Variants in ATRNL1 observed in about 807,000 individuals in gnomAD.
The protein encoded by ATRNL1 is attractin-like protein 1.
Under a neutral mutation model 182.7 loss-of-function variants are expected in ATRNL1, and 95 were observed. The observed-to-expected ratio is 0.52, with a 90% confidence interval of 0.44 to 0.62. ATRNL1 has a LOEUF of 0.62. Among genes scored for constraint, ATRNL1 ranks in the 20% least tolerant of loss-of-function variants. The pLI is 0.00. For synonymous variants in ATRNL1, 576 were observed against 568.3 expected (o/e 1.01, Z -0.19); for missense variants, 1,471 against 1,679.5 (o/e 0.88, Z 2.17).
intron 19 of ATRNL1, among the ~76,000 whole-genome samples, chr10:115,377,190 A>G (rs1554949771): frequency 6.6e-6 from 1 of 152,098 alleles, no homozygotes; most frequent in African/African-American, 2.4e-5. Context: ...TAGCTCCCAT[A>G]ATTTCTCATG....
At chr10:115,428,451 T>G (rs1846002886) in intron 21 of ATRNL1, among the ~76,000 whole-genome samples, 1 of 151,994 alleles carries the variant, frequency 6.6e-6, no homozygotes, top group South Asian at 2.1e-4. Context: ...AACATGAAAG[T>G]ATTATTGTCT....
chr10:115,139,425 TC>T (rs1845664576), intron 5 of ATRNL1, among the ~76,000 whole-genome samples: 1 of 152,190 alleles, frequency 6.6e-6, no homozygotes, highest in Non-Finnish European at 1.5e-5. Flanking sequence ...GACTTACAGT[TC>T]CACATGGTTG....
intron 9 of ATRNL1, among the ~76,000 whole-genome samples, chr10:115,223,929 A>ATATATATTTTTTT (rs1420143943): frequency 2.2e-3 from 100 of 44,718 alleles, no homozygotes; most frequent in Non-Finnish European, 3.1e-3. Flanking sequence ...ATATATATAT[A>ATATATATTTTTTT]TTTTTTTTTT....
intron 18 of ATRNL1, among the ~76,000 whole-genome samples, chr10:115,329,278 T>G (rs1441219140): frequency 5.9e-5 from 9 of 152,014 alleles, no homozygotes; most frequent in Non-Finnish European, 1.5e-5. Context: ...TTGATATATT[T>G]AATTCATTAA....
intron 19 of ATRNL1, among the ~76,000 whole-genome samples, chr10:115,364,989 G>A (rs1459643920): frequency 2.7e-5 from 4 of 150,444 alleles, no homozygotes; most frequent in African/African-American, 9.9e-5. Context: ...CTCTTTTTTG[G>A]TTGTGTCTCT....
chr10:115,819,660 T>A (rs2134278646), intron 27 of ATRNL1, among the ~76,000 whole-genome samples: 1 of 152,212 alleles, frequency 6.6e-6, no homozygotes, highest in East Asian at 1.9e-4. Flanking sequence ...TCTATCTCTG[T>A]CCCTCTCAGT....
intron 8 of ATRNL1, among the ~76,000 whole-genome samples, chr10:115,197,724 G>A (rs1564813278): frequency 1.3e-5 from 2 of 152,052 alleles, no homozygotes; most frequent in Non-Finnish European, 2.9e-5. Flanking sequence ...CTCTGTATAG[G>A]AAAAGTTGGC....
chr10:115,162,705 GACCGGGA>G (rs1435529910), intron 6 of ATRNL1, among the ~76,000 whole-genome samples: 1 of 149,580 alleles, frequency 6.7e-6, no homozygotes, highest in Non-Finnish European at 1.5e-5. Context: ...TAGAGAAAAG[GACCGGGA>G]ACTGAGCCTG....
chr10:115,855,324 G>A lies in ATRNL1; in HGVS notation c.4018+7333G>A, dbSNP rs149505018. On this transcript the variant is annotated intron_variant, in intron 28 of 28. Coordinates refer to ENST00000355044, the MANE Select transcript of ATRNL1 (RefSeq NM_207303.4). ...CAAAGCCTGGTTCAAATGCTATTTC[G>A]TCTTCCTTGAGACCTTTTCAGTCCC... is the stretch of plus-strand genomic sequence containing the variant. Among the ~76,000 whole-genome samples, 32 of 152,172 alleles carry A rather than the reference G, an allele frequency of 2.1e-4. No homozygotes were observed. The East Asian group carries it at 3.9e-3, about 18-fold the overall frequency.
At chr10:115,385,845 C>T (rs937096871) in intron 19 of ATRNL1, among the ~76,000 whole-genome samples, 2 of 152,120 alleles carry the variant, frequency 1.3e-5, no homozygotes, top group East Asian at 3.9e-4. Flanking sequence ...TACTTTAGTA[C>T]ATTTGTTGAA....
intron 27 of ATRNL1, among the ~76,000 whole-genome samples, chr10:115,769,556 A>G (rs1453658224): frequency 6.6e-6 from 1 of 152,152 alleles, no homozygotes; most frequent in Admixed American, 6.5e-5. Flanking sequence ...TGCCTGGCAC[A>G]TAGCGCTCAG....
chr10:115,094,099 C>T, intron 1 of ATRNL1, 56 bp downstream of exon 1: 1 of 1,309,516 alleles, frequency 7.6e-7, no homozygotes, highest in East Asian at 3.1e-5. Flanking sequence ...CCGTCGCGGC[C>T]TTCCCCGCCC....
chr10:115,702,362 A>G (rs1565301055), intron 26 of ATRNL1, among the ~76,000 whole-genome samples: 1 of 152,026 alleles, frequency 6.6e-6, no homozygotes, highest in Non-Finnish European at 1.5e-5. Context: ...TTGGAATAAG[A>G]CAAGGATGCT....
At chr10:115,473,621 T>C (rs1356479165) in intron 24 of ATRNL1, among the ~76,000 whole-genome samples, 1 of 151,326 alleles carries the variant, frequency 6.6e-6, no homozygotes, top group Non-Finnish European at 1.5e-5. Flanking sequence ...CTCTACTTCA[T>C]CTTTTTGGAA....
intron 26 of ATRNL1, among the ~76,000 whole-genome samples, chr10:115,687,603 G>A (rs1255157034): frequency 6.6e-6 from 1 of 151,996 alleles, no homozygotes; most frequent in East Asian, 1.9e-4. Flanking sequence ...ACCTCTTTGA[G>A]ATATTAATTT....
chr10:115,831,524 C>T (rs950847786), intron 27 of ATRNL1, among the ~76,000 whole-genome samples: 3 of 152,050 alleles, frequency 2.0e-5, no homozygotes, highest in Non-Finnish European at 2.9e-5. Flanking sequence ...GTGAAAAGCA[C>T]GCCGGGGTGA....
chr10:115,569,164 C>G (rs1854238739), intron 26 of ATRNL1, among the ~76,000 whole-genome samples: 1 of 152,148 alleles, frequency 6.6e-6, no homozygotes, highest in South Asian at 2.1e-4. Context: ...ACATATTACT[C>G]TTGTCACTTA....
chr10:115,212,102 G>T (rs1385228475), intron 8 of ATRNL1, among the ~76,000 whole-genome samples: 3 of 151,750 alleles, frequency 2.0e-5, no homozygotes, highest in African/African-American at 7.3e-5. Flanking sequence ...ATGATGCTGA[G>T]GTTTGGAGTA....
intron 27 of ATRNL1, among the ~76,000 whole-genome samples, chr10:115,767,334 A>G (rs763640104): frequency 4.6e-5 from 7 of 152,072 alleles, no homozygotes; most frequent in Non-Finnish European, 1.0e-4. Context: ...TTTCCTCCCA[A>G]CAGCCCCATT....
Sources: allele counts gnomAD v4.1 joint callset (sites outside exome capture counted in the v4.1 genomes callset), GRCh38; gene constraint gnomAD v4.1.1; transcripts MANE v1.5; gene names NCBI Gene and HGNC (gene_info 2026-07-23, HGNC 2026-07-21).